The following ARHGAP15 variants were observed in gnomAD, a reference collection of about 807,000 sequenced individuals.
ARHGAP15 encodes rho GTPase-activating protein 15.
A neutral mutation model predicts 63.7 loss-of-function variants in ARHGAP15; 51 were observed. The observed-to-expected ratio is 0.80, with a 90% CI of 0.64 to 1.01. The LOEUF is 1.01. Among genes scored for constraint, ARHGAP15 ranks in the 50% least tolerant of loss-of-function variants. ARHGAP15 has a pLI of 0.00. For synonymous variants in ARHGAP15, 191 were observed against 193.8 expected (o/e 0.99, Z 0.12); for missense variants, 560 against 564.6 (o/e 0.99, Z 0.08).
intron 11 of ARHGAP15, among the ~76,000 whole-genome samples, chr2:143,583,566 G>A (rs541000982): frequency 8.5e-4 from 130 of 152,178 alleles, no homozygotes; most frequent in African/African-American, 3.0e-3. Context: ...TAGATGGTGT[G>A]GATTTCCCTA....
At chr2:143,542,355 C>T (rs533854538) in intron 10 of ARHGAP15, among the ~76,000 whole-genome samples, 4 of 152,170 alleles carry the variant, frequency 2.6e-5, no homozygotes, top group African/African-American at 9.6e-5. Context: ...CCTGCTTCGG[C>T]TCATGCACGG....
intron 6 of ARHGAP15, among the ~76,000 whole-genome samples, chr2:143,393,044 A>G (rs1025027630): frequency 1.3e-5 from 2 of 152,148 alleles, no homozygotes; most frequent in African/African-American, 4.8e-5. Context: ...CCCCTCTTTT[A>G]TAAAATACAT....
chr2:143,752,364 A>G (rs149030451), intron 13 of ARHGAP15, among the ~76,000 whole-genome samples: 21 of 152,144 alleles, frequency 1.4e-4, no homozygotes, highest in African/African-American at 3.6e-4. Context: ...ACTATCCACA[A>G]CCTCCCACTA....
intron 2 of ARHGAP15, among the ~76,000 whole-genome samples, chr2:143,197,183 AT>A (rs1691914342): frequency 6.6e-6 from 1 of 151,990 alleles, no homozygotes. Context: ...GGTAGTAGAG[AT>A]TTTATAACAC....
intron 6 of ARHGAP15, among the ~76,000 whole-genome samples, chr2:143,371,096 G>A (rs1450532072): frequency 6.6e-6 from 1 of 152,006 alleles, no homozygotes; most frequent in Admixed American, 6.6e-5. Flanking sequence ...ACCTATTTGA[G>A]GTCTACTTTT....
intron 1 of ARHGAP15, among the ~76,000 whole-genome samples, chr2:143,150,892 A>G (rs1689787525): frequency 6.6e-6 from 1 of 152,050 alleles, no homozygotes. Context: ...TAAACTTAAT[A>G]TGATTTGAAG....
chr2:143,188,353 T>G (rs1433226807), intron 2 of ARHGAP15, among the ~76,000 whole-genome samples: 1 of 151,946 alleles, frequency 6.6e-6, no homozygotes, highest in Non-Finnish European at 1.5e-5. Flanking sequence ...TAAATTTTAA[T>G]TTTACTTATA....
intron 6 of ARHGAP15, among the ~76,000 whole-genome samples, chr2:143,419,233 T>C (rs1688810192): frequency 6.6e-6 from 1 of 152,064 alleles, no homozygotes; most frequent in Non-Finnish European, 1.5e-5. Context: ...ACAAAGTATA[T>C]AATGTGTTAC....
At position 143,334,881 on chromosome 2, in the gene ARHGAP15, G is replaced by A. The variant is rs1684702936; in HGVS notation, c.474+84281G>A. Among the ~76,000 whole-genome samples the A allele has an allele frequency of 4.6e-5, 7 of 152,248 alleles. 1 individual carries two copies. The South Asian group carries it at 8.3e-4, about 18-fold the overall frequency. On this transcript the variant is annotated intron_variant, in intron 6 of 13. Transcript: ENST00000295095. Reference sequence around the variant, plus strand: ...CAAGGTGGTTGGATCATCTGAGGTCGGGAGTTCGAGATCAAATAATTGCTT... The same window carrying A: ...CAAGGTGGTTGGATCATCTGAGGTCAGGAGTTCGAGATCAAATAATTGCTT...
chr2:143,166,100 G>A (rs1412127063), intron 2 of ARHGAP15, among the ~76,000 whole-genome samples: 2 of 152,008 alleles, frequency 1.3e-5, no homozygotes, highest in Non-Finnish European at 2.9e-5. Context: ...AAATGCTAAT[G>A]AATTACCTTT....
At chr2:143,410,958 C>T (rs1688416599) in intron 6 of ARHGAP15, among the ~76,000 whole-genome samples, 1 of 152,014 alleles carries the variant, frequency 6.6e-6, no homozygotes, top group African/African-American at 2.4e-5. Flanking sequence ...AATCTCAGCA[C>T]TTTGGAAGGC....
intron 2 of ARHGAP15, among the ~76,000 whole-genome samples, chr2:143,163,422 T>C (rs1690376040): frequency 1.3e-5 from 2 of 151,444 alleles, no homozygotes; most frequent in Admixed American, 1.3e-4. Context: ...TATATACATA[T>C]CTATATACAG....
chr2:143,372,176 G>A (rs1459611816), intron 6 of ARHGAP15, among the ~76,000 whole-genome samples: 2 of 150,878 alleles, frequency 1.3e-5, no homozygotes, highest in Non-Finnish European at 3.0e-5. Flanking sequence ...CCATCTCTAC[G>A]AAAAATAGAG....
chr2:143,767,843 A>G (rs2072972160), intron 13 of ARHGAP15, 146 bp from the exon 14 acceptor site: 1 of 773,036 alleles, frequency 1.3e-6, no homozygotes, highest in Admixed American at 2.9e-5. Context: ...CTACTTCCAT[A>G]CAGTAAAGTA....
chr2:143,419,597 ATAAT>A (rs1688828730), intron 6 of ARHGAP15, among the ~76,000 whole-genome samples: 1 of 151,490 alleles, frequency 6.6e-6, no homozygotes, highest in Non-Finnish European at 1.5e-5. Flanking sequence ...GTTAAAAAAA[ATAAT>A]AAGATACGAT....
intron 6 of ARHGAP15, among the ~76,000 whole-genome samples, chr2:143,407,987 G>GGATATATA (rs1553475707): frequency 1.3e-5 from 1 of 77,422 alleles, no homozygotes; most frequent in African/African-American, 4.5e-5. Flanking sequence ...TTCTGTGTGT[G>GGATATATA]TATATATATA....
Position 143,510,995 on chromosome 2 carries a change from T to A in ARHGAP15, c.827-8271T>A, listed in dbSNP as rs557974530. The stretch of plus-strand genomic sequence containing the variant: ...CTATTGAGCAGTTGTCCTCATAGTT[T>A]TGATTCATTTGGAATCTGACTGACA... On this transcript the variant is annotated intron_variant, in intron 9 of 13. Coordinates refer to ENST00000295095, the MANE Select transcript of ARHGAP15 (RefSeq NM_018460.4). Among the ~76,000 whole-genome samples, 6 of 152,356 alleles carry A rather than the reference T, an allele frequency of 3.9e-5. No homozygotes were observed. The East Asian group carries it at 1.2e-3, about 29-fold the overall frequency.
chr2:143,322,755 A>G (rs969296926), intron 6 of ARHGAP15, among the ~76,000 whole-genome samples: 2 of 152,194 alleles, frequency 1.3e-5, no homozygotes, highest in African/African-American at 2.4e-5. Flanking sequence ...GAGTTGCATG[A>G]TGCTTCGATG....
chr2:143,522,727 T>C (rs1694108284), intron 10 of ARHGAP15, among the ~76,000 whole-genome samples: 1 of 152,180 alleles, frequency 6.6e-6, no homozygotes, highest in South Asian at 2.1e-4. Flanking sequence ...AATCTCATAA[T>C]GCTTTCAGAA....
Sources: gnomAD v4.1 joint callset for allele counts (sites outside exome capture counted in the v4.1 genomes callset) on GRCh38, gnomAD v4.1.1 for gene constraint, MANE v1.5 for transcripts, NCBI Gene and HGNC (gene_info 2026-07-23, HGNC 2026-07-21) for gene names.